Variants in STRBP observed in about 807,000 individuals in gnomAD.
The protein encoded by STRBP is spermatid perinuclear RNA-binding protein.
Under a neutral mutation model 80.1 loss-of-function variants are expected in STRBP, and 13 were observed. That is an observed-to-expected ratio of 0.16 (90% confidence interval 0.11 to 0.26). The LOEUF (loss-of-function observed/expected upper bound fraction) is 0.26, where lower values mean the gene tolerates loss of function less well. Ranked by LOEUF, STRBP falls within the 10% of genes least tolerant of loss-of-function variation. The pLI is 1.00. For missense variants in STRBP, 485 were observed against 815.2 expected (o/e 0.59, Z 4.93); for synonymous variants, 284 against 291.2 (o/e 0.98, Z 0.25).
intron 4 of STRBP, among the ~76,000 whole-genome samples, chr9:123,175,907 A>G (rs561811834): frequency 1.3e-4 from 20 of 152,330 alleles, no homozygotes; most frequent in African/African-American, 4.8e-4. Context: ...CCCACTGAAC[A>G]CTTGGACACT....
At chr9:123,175,176 C>T (rs2038168314) in intron 4 of STRBP, among the ~76,000 whole-genome samples, 1 of 152,104 alleles carries the variant, frequency 6.6e-6, no homozygotes, top group South Asian at 2.1e-4. Flanking sequence ...AATGGCAAAG[C>T]CTAAATTCAA....
intron 6 of STRBP, among the ~76,000 whole-genome samples, chr9:123,164,983 A>C (rs1305367474): frequency 6.6e-6 from 1 of 152,118 alleles, no homozygotes; most frequent in Non-Finnish European, 1.5e-5. Context: ...GACAGTGCCT[A>C]AAAGTTTGCC....
At position 123,115,816 on chromosome 9, in the gene STRBP, G is replaced by A. The variant is rs116130789; in HGVS notation, c.*84+113C>T. The A allele has an allele frequency of 9.8e-4, 345 of 351,208 alleles. No homozygotes were observed. Among genetic ancestry groups the A allele is most frequent in the African/African-American group, 6.9e-3 (325 of 46,798 alleles). 21.8% of individuals were successfully genotyped at this position (351,208 alleles called of 1,614,324 possible). A position where few individuals can be genotyped will look rare whatever the true frequency, so the allele number is the denominator to read the frequency against. ...ACCTCAGCTGCTCTCTCAAGGCTGC[G>A]TCTGTCATCGCGGGAGGTGTATTTT... is the stretch of plus-strand genomic sequence containing the variant. On this transcript the variant is annotated intron_variant and NMD_transcript_variant, in intron 3 of 3. Coordinates refer to the STRBP transcript ENST00000471564. This position sits in a 1 kb window ranked among gnomAD's most constrained non-coding sequence, Gnocchi z 5.0.
intron 1 of STRBP, among the ~76,000 whole-genome samples, chr9:123,250,274 C>T (rs1439583652): frequency 6.6e-6 from 1 of 152,184 alleles, no homozygotes; most frequent in Non-Finnish European, 1.5e-5. Context: ...TATCTGAACC[C>T]AGCTGTCTTC....
chr9:123,130,489 T>C (rs1021172917), intron 17 of STRBP, among the ~76,000 whole-genome samples: 3 of 152,080 alleles, frequency 2.0e-5, no homozygotes, highest in African/African-American at 4.8e-5. Flanking sequence ...CACTGGACCA[T>C]AGCCATTTAC....
chr9:123,150,863 T>A (rs185987795), intron 11 of STRBP, among the ~76,000 whole-genome samples: 64 of 152,340 alleles, frequency 4.2e-4, no homozygotes, highest in African/African-American at 1.5e-3. Flanking sequence ...TTCTTCATCC[T>A]TGTGGCTCTC....
intron 2 of STRBP, among the ~76,000 whole-genome samples, chr9:123,201,834 CA>C (rs2039336121): frequency 1.3e-5 from 2 of 152,182 alleles, no homozygotes; most frequent in Admixed American, 1.3e-4. Context: ...CTAGTGCTGT[CA>C]GTGGTGTACT....
intron 13 of STRBP, among the ~76,000 whole-genome samples, chr9:123,140,729 T>C (rs2036558996): frequency 6.6e-6 from 1 of 152,240 alleles, no homozygotes. Context: ...GGGCTGATTA[T>C]GGCTACCTCC....
chr9:123,146,975 G>C lies in STRBP; in HGVS notation c.1218C>G (p.Leu406=). ...NQIRPGLQYK[L]LSQSGPVHAP... is the part of the protein sequence containing the mutation. The stretch of plus-strand genomic sequence containing the variant: ...CATGAACGGGGCCAGACTGAGATAG[G>C]AGCTTATACTGAAGCCCAGGCCTGA... The change falls in exon 13 of 19, where the codon CTC becomes CTG. Residue 406 remains leucine (L), a synonymous_variant. Transcript: ENST00000348403. The C allele has an allele frequency of 6.2e-7, 1 of 1,614,082 alleles. No homozygotes were observed. The highest frequency in any genetic ancestry group is 8.5e-7 in the Non-Finnish European group (1 of 1,179,988).
intron 5 of STRBP, among the ~76,000 whole-genome samples, chr9:123,171,976 A>C (rs1564263409): frequency 6.6e-6 from 1 of 152,216 alleles, no homozygotes. Flanking sequence ...CACTCAAGAG[A>C]GAAACAATGT....
intron 1 of STRBP, among the ~76,000 whole-genome samples, chr9:123,259,076 G>A (rs1329539736): frequency 3.0e-4 from 39 of 128,790 alleles, no homozygotes; most frequent in African/African-American, 6.7e-4. Flanking sequence ...AAAAAAAAAA[G>A]GGGGGGGGAT....
intron 2 of STRBP, among the ~76,000 whole-genome samples, chr9:123,208,834 C>T (rs765813218): frequency 2.0e-5 from 3 of 152,172 alleles, no homozygotes; most frequent in East Asian, 3.9e-4. Context: ...AACACTCTGA[C>T]AAGAATTCAC....
chr9:123,147,997 T>A, intron 11 of STRBP, 127 bp from the exon 12 acceptor site: 1 of 757,074 alleles, frequency 1.3e-6, no homozygotes, highest in Non-Finnish European at 2.0e-6. Flanking sequence ...ACTTTTTCAC[T>A]GATCAGTTAA....
At chr9:123,120,463 C>A (rs1298412249), downstream of STRBP, among the ~76,000 whole-genome samples, 1 of 105,084 alleles carries the variant, frequency 9.5e-6, no homozygotes, top group East Asian at 2.7e-4. Context: ...CTCTGGATTG[C>A]TTGAAATCTA....
chr9:123,147,762 T>A lies in STRBP; in HGVS notation c.1138+16A>T. ...CCTCTCTAGTTTGCATCTATAAGAA[T>A]AAAGGTTTTACACACTTTTCCTTAA... On this transcript the variant is annotated intron_variant, in intron 12 of 18. Transcript: ENST00000348403. 6.3e-7 allele frequency: 1 copy of A among 1,582,530 alleles called. No individual in the cohort carries two copies. Among genetic ancestry groups the A allele is most frequent in the Non-Finnish European group, 8.6e-7 (1 of 1,160,346 alleles).
At chr9:123,265,192 G>GT (rs965961040) in intron 1 of STRBP, among the ~76,000 whole-genome samples, 32 of 148,862 alleles carry the variant, frequency 2.1e-4, no homozygotes, top group Admixed American at 6.0e-4. Context: ...TTGCTTCCAG[G>GT]TTTTTTTTTT....
chr9:123,212,342 T>A (rs2039739392), intron 2 of STRBP, among the ~76,000 whole-genome samples: 1 of 152,160 alleles, frequency 6.6e-6, no homozygotes, highest in African/African-American at 2.4e-5. Flanking sequence ...TTGATAAGCA[T>A]TTGTCGAATG....
rs192891553 is a variant in STRBP, at chr9:123,247,143, C to A, written c.-301-10177G>T. The stretch of plus-strand genomic sequence containing the variant: ...GGGAGAACAGCCACTACCCAATGCC[C>A]CCCTCAAAAAGCTATCCTTTGAAAA... On this transcript the variant is annotated intron_variant, in intron 1 of 18. Coordinates refer to ENST00000348403, the MANE Select transcript of STRBP (RefSeq NM_018387.5). 3.3e-5 allele frequency among the ~76,000 whole-genome samples: 5 copies of A among 152,250 alleles called. No individual in the cohort carries two copies. The East Asian group carries it at 5.8e-4, about 18-fold the overall frequency.
rs532754039 is a variant in STRBP, at chr9:123,209,256, C to T, written c.-164-24958G>A. Among the ~76,000 whole-genome samples, 6 of 152,254 alleles carry T rather than the reference C, an allele frequency of 3.9e-5. No homozygotes were observed. In the South Asian group the frequency reaches 6.2e-4, roughly 16 times the overall value. ...AGCTGGGGCACAGTTAAATATGATGCTATGGTATAATCGAAAGAACATCAG... is the reference window on the plus strand; with the variant it reads ...AGCTGGGGCACAGTTAAATATGATGTTATGGTATAATCGAAAGAACATCAG... On this transcript the variant is annotated intron_variant, in intron 2 of 18. Coordinates refer to ENST00000348403, the MANE Select transcript of STRBP (RefSeq NM_018387.5).
Sources: gnomAD v4.1 joint callset for allele counts (sites outside exome capture counted in the v4.1 genomes callset) on GRCh38, gnomAD v4.1.1 for gene constraint, Gnocchi (gnomAD v3.1) non-coding constraint, MANE v1.5 for transcripts, NCBI Gene and HGNC (gene_info 2026-07-23, HGNC 2026-07-21) for gene names.